The following DPP8 variants were observed in gnomAD, a reference collection of about 807,000 sequenced individuals.
DPP8 encodes DPP VIII.
DPP8 carries 31 observed loss-of-function variants against 107.5 expected under a neutral mutation model. That is an observed-to-expected ratio of 0.29 (90% confidence interval 0.22 to 0.39). The LOEUF (loss-of-function observed/expected upper bound fraction) is 0.39, where lower values mean the gene tolerates loss of function less well. Ranked by LOEUF, DPP8 falls within the 10% of genes least tolerant of loss-of-function variation. The probability of loss-of-function intolerance (pLI) is 1.00; values close to 1 mark genes in which losing one functional copy is unlikely to be tolerated. For synonymous variants in DPP8, 381 were observed against 356.6 expected (o/e 1.07, Z -0.77); for missense variants, 842 against 1,076.1 (o/e 0.78, Z 3.04).
intron 2 of DPP8, among the ~76,000 whole-genome samples, chr15:65,510,865 T>C (rs1596148510): frequency 1.3e-5 from 2 of 152,128 alleles, no homozygotes; most frequent in Admixed American, 1.3e-4. Flanking sequence ...GCATGTGAAA[T>C]GATGCTCAAC....
intron 1 of DPP8, among the ~76,000 whole-genome samples, chr15:65,514,671 C>T (rs1259633634): frequency 6.6e-6 from 1 of 152,142 alleles, no homozygotes; most frequent in East Asian, 1.9e-4. Context: ...CCATCGTGCC[C>T]AGTTAATTTT....
At chr15:65,492,161 G>A (rs1268683855) in intron 5 of DPP8, among the ~76,000 whole-genome samples, 9 of 151,944 alleles carry the variant, frequency 5.9e-5, no homozygotes, top group Non-Finnish European at 2.9e-5. Flanking sequence ...TGGCAACATA[G>A]TGAAACCCCG....
chr15:65,504,486 A>G (rs561422898), intron 3 of DPP8, among the ~76,000 whole-genome samples: 1 of 151,920 alleles, frequency 6.6e-6, no homozygotes, highest in African/African-American at 2.4e-5. Context: ...CCTGGCCAAC[A>G]TGGTGAAACC....
chr15:65,493,273 G>A (rs1036499124), intron 5 of DPP8, among the ~76,000 whole-genome samples: 1 of 152,006 alleles, frequency 6.6e-6, no homozygotes, highest in Admixed American at 6.6e-5. Flanking sequence ...GTAGAGACAG[G>A]GTTTCTCCAT....
chr15:65,500,937 G>T (rs2069164502), intron 3 of DPP8, among the ~76,000 whole-genome samples, 158 bp from the exon 4 acceptor site: 1 of 148,708 alleles, frequency 6.7e-6, no homozygotes, highest in African/African-American at 2.5e-5. Flanking sequence ...GAGTGCAGTG[G>T]AGCGATCTTG....
intron 5 of DPP8, among the ~76,000 whole-genome samples, chr15:65,493,870 T>TG (rs2068287633): frequency 1.3e-5 from 2 of 152,094 alleles, no homozygotes; most frequent in Non-Finnish European, 2.9e-5. Context: ...GACTTTCACT[T>TG]AGAAACCTAT....
Position 65,487,385 on chromosome 15 carries a change from G to C in DPP8, c.955+305C>G, listed in dbSNP as rs141249929. On this transcript the variant is annotated intron_variant, in intron 7 of 19. Transcript: ENST00000300141. Reference sequence around the variant, plus strand: ...GCTGGTCTCAAACTCCTGACCTCAAGTGATCCACCCACCTCAGCTTCCCAA... The same window carrying C: ...GCTGGTCTCAAACTCCTGACCTCAACTGATCCACCCACCTCAGCTTCCCAA... Among the ~76,000 whole-genome samples the C allele has an allele frequency of 7.5e-3, 1,148 of 152,228 alleles. 14 individuals are homozygous for C. Among genetic ancestry groups the C allele is most frequent in the African/African-American group, 0.026 (1,096 of 41,518 alleles).
In DPP8 at chr15:65,445,564, A is replaced by G. The variant is rs2063469759; in HGVS notation, c.*1320T>C. 1 of 153,622 alleles carries G rather than the reference A, an allele frequency of 6.5e-6. No homozygotes were observed. Among genetic ancestry groups the G allele is most frequent in the Non-Finnish European group, 1.5e-5 (1 of 68,002 alleles). The allele number at this position is 153,622 out of a possible 1,614,324, so 9.5% of individuals were successfully genotyped here. A position where few individuals can be genotyped will look rare whatever the true frequency, so the allele number is the denominator to read the frequency against. On this transcript the variant is annotated 3_prime_UTR_variant, in exon 20 of 20. Transcript: ENST00000300141. ...CTTTAAACACCAAAAAAAAAAAGAGAGCCATGGCTTGCCAGGGATTAGTTT... is the reference window on the plus strand; with the variant it reads ...CTTTAAACACCAAAAAAAAAAAGAGGGCCATGGCTTGCCAGGGATTAGTTT...
At chr15:65,467,988 T>C (rs776170562) in intron 12 of DPP8, among the ~76,000 whole-genome samples, 4 of 152,162 alleles carry the variant, frequency 2.6e-5, no homozygotes, top group Non-Finnish European at 5.9e-5. Context: ...TATTGGGTTG[T>C]GGAATAACGG....
intron 18 of DPP8, among the ~76,000 whole-genome samples, chr15:65,451,537 TA>T (rs2140334472): frequency 6.6e-6 from 1 of 152,358 alleles, no homozygotes; most frequent in Admixed American, 6.5e-5. Flanking sequence ...TATTCTAGTA[TA>T]ACATTTGTCT....
chr15:65,459,291 C>G (rs1265596570), intron 15 of DPP8, among the ~76,000 whole-genome samples: 2 of 152,138 alleles, frequency 1.3e-5, no homozygotes, highest in South Asian at 2.1e-4. Flanking sequence ...ATCCTCCTAT[C>G]TCAGCCTCCC....
chr15:65,448,770 CATAT>C lies in DPP8; in HGVS notation c.2527-1768_2527-1765del, dbSNP rs946809404. 4.4e-4 allele frequency among the ~76,000 whole-genome samples: 57 copies of C among 129,496 alleles called. No homozygotes were observed. In the East Asian group the frequency reaches 0.012, roughly 26 times the overall value. The allele number at this position is 129,496 out of a possible 152,430, so 85.0% of individuals were successfully genotyped here. A position where few individuals can be genotyped will look rare whatever the true frequency, so the allele number is the denominator to read the frequency against. ...AATATACATATATATCTGAAATATA[CATAT>C]ATATCTAAAATATACATATATAATA... On this transcript the variant is annotated intron_variant, in intron 19 of 19. Coordinates refer to ENST00000300141, the MANE Select transcript of DPP8 (RefSeq NM_130434.5).
At chr15:65,514,959 T>G (rs1011949372) in intron 1 of DPP8, among the ~76,000 whole-genome samples, 1 of 152,258 alleles carries the variant, frequency 6.6e-6, no homozygotes, top group East Asian at 1.9e-4. Flanking sequence ...GGGAACAGAA[T>G]AGGGAAGCTC....
intron 1 of DPP8, among the ~76,000 whole-genome samples, chr15:65,513,863 T>C (rs1311480725): frequency 1.3e-5 from 2 of 152,196 alleles, no homozygotes; most frequent in Non-Finnish European, 2.9e-5. Context: ...TATTCCAACA[T>C]ATATTATTCA....
chr15:65,492,004 T>G (rs372683678), intron 5 of DPP8, among the ~76,000 whole-genome samples: 200 of 151,444 alleles, frequency 1.3e-3, no homozygotes, highest in African/African-American at 4.5e-3. Flanking sequence ...AGTGCTGGGA[T>G]TACAGGCGTG....
At position 65,451,038 on chromosome 15, in the gene DPP8, C is replaced by T. The variant is rs901207193; in HGVS notation, c.2487G>A (p.Leu829=). 1.9e-6 allele frequency: 3 copies of T among 1,611,398 alleles called. No individual in the cohort carries two copies. The highest frequency in any genetic ancestry group is 1.3e-5 in the African/African-American group (1 of 74,952). The change falls in exon 19 of 20, where the codon CTG becomes CTA. Residue 829 remains leucine, a synonymous_variant. Transcript: ENST00000300141. ...NVHFAHTSIL[L]SFLVRAGKPY... The stretch of plus-strand genomic sequence containing the variant: ...GCTTTCCAGCCCTCACTAAAAAACT[C>T]AGTAATATACTGGTATGTGCAAAAT...
intron 18 of DPP8, 25 bp downstream of exon 18, chr15:65,451,935 A>AT: frequency 6.4e-7 from 1 of 1,558,360 alleles, no homozygotes. Context: ...AATTTAAAAA[A>AT]AAAAAAAAAA....
intron 5 of DPP8, among the ~76,000 whole-genome samples, chr15:65,495,393 C>G (rs2068481101): frequency 6.6e-6 from 1 of 151,690 alleles, no homozygotes. Context: ...CACTTGAGGT[C>G]AGGAGTTCAA....
chr15:65,502,810 C>G (rs1291248855), intron 3 of DPP8: 1 of 151,998 alleles, frequency 6.6e-6, no homozygotes, highest in Admixed American at 6.6e-5. Context: ...TATACAACCC[C>G]TAACTGCTAC....
Sources: allele counts gnomAD v4.1 joint callset (sites outside exome capture counted in the v4.1 genomes callset), GRCh38; gene constraint gnomAD v4.1.1; transcripts MANE v1.5; gene names NCBI Gene and HGNC (gene_info 2026-07-23, HGNC 2026-07-21).